The following SLC39A9 variants were observed in gnomAD, a reference collection of about 807,000 sequenced individuals.
SLC39A9 encodes the protein solute carrier family 39 member 9.
A neutral mutation model predicts 28.4 loss-of-function variants in SLC39A9; 14 were observed. The ratio of observed to expected loss-of-function variants is 0.49; its 90% CI spans 0.33 to 0.77. SLC39A9 has a LOEUF of 0.77. Among genes scored for constraint, SLC39A9 ranks in the 30% least tolerant of loss-of-function variants. SLC39A9 has a pLI of 0.02. For missense variants in SLC39A9, 283 were observed against 381.1 expected (o/e 0.74, Z 2.14); for synonymous variants, 119 against 149.6 (o/e 0.80, Z 1.49).
At chr14:69,420,811 C>G (rs183346208) in intron 1 of SLC39A9, among the ~76,000 whole-genome samples, 73 of 152,314 alleles carry the variant, frequency 4.8e-4, no homozygotes, top group Non-Finnish European at 2.1e-4. Flanking sequence ...GCATGTGTCA[C>G]GTAGTTCTCA....
chr14:69,450,269 C>T (rs1195924773), intron 3 of SLC39A9, among the ~76,000 whole-genome samples: 1 of 152,048 alleles, frequency 6.6e-6, no homozygotes, highest in Non-Finnish European at 1.5e-5. Context: ...ATCTTTCTTC[C>T]ATACCATTCT....
intron 1 of SLC39A9, among the ~76,000 whole-genome samples, chr14:69,406,311 T>C (rs887457575): frequency 6.6e-6 from 1 of 152,210 alleles, no homozygotes; most frequent in African/African-American, 2.4e-5. Context: ...TCTGAAGTAG[T>C]TCCTATTGTG....
At position 69,460,133 on chromosome 14, in the gene SLC39A9, C is replaced by G; in HGVS notation, c.*1540C>G. On this transcript the variant is annotated 3_prime_UTR_variant, in exon 7 of 7. Transcript: ENST00000336643. Reference sequence around the variant, plus strand: ...ATTAATTTATTTTTACTTTCTATACCATTTCAAAACACATTACACTAAGGG... The same window carrying G: ...ATTAATTTATTTTTACTTTCTATACGATTTCAAAACACATTACACTAAGGG... 1 of 984,058 alleles carries G rather than the reference C, an allele frequency of 1.0e-6. No individual in the cohort carries two copies. Among genetic ancestry groups the G allele is most frequent in the Non-Finnish European group, 1.2e-6 (1 of 828,442 alleles). 61.0% of individuals were successfully genotyped at this position (984,058 alleles called of 1,614,324 possible). A position where few individuals can be genotyped will look rare whatever the true frequency, so the allele number is the denominator to read the frequency against.
chr14:69,461,255 C>T lies in SLC39A9; in HGVS notation c.*2662C>T, dbSNP rs959054895. On this transcript the variant is annotated 3_prime_UTR_variant, in exon 7 of 7. Coordinates refer to ENST00000336643, the MANE Select transcript of SLC39A9 (RefSeq NM_018375.5). ...CGTTTCCTTGGTAGGGATAGACTTT[C>T]TTCAGATTCCAAGTGCTCTCTTAAA... 1.0e-6 allele frequency: 1 copy of T among 989,996 alleles called. No individual in the cohort carries two copies. The highest frequency in any genetic ancestry group is 1.2e-6 in the Non-Finnish European group (1 of 832,950). 61.3% of individuals were successfully genotyped at this position (989,996 alleles called of 1,614,324 possible). A position where few individuals can be genotyped will look rare whatever the true frequency, so the allele number is the denominator to read the frequency against.
rs1282095620 is a variant in SLC39A9 at position 69,440,726 on chromosome 14, G to T, written c.206-1343G>T. On this transcript the variant is annotated intron_variant, in intron 2 of 6. Transcript: ENST00000336643. ...GTCTCCCTCTGTTGCCAGGCTGGAA[G>T]GCAGTGGCGTGATCTCGGCTCACTG... Among the ~76,000 whole-genome samples, 4 of 152,102 alleles carry T rather than the reference G, an allele frequency of 2.6e-5. No individual in the cohort carries two copies. The East Asian group carries it at 7.7e-4, about 29-fold the overall frequency.
At chr14:69,409,695 A>C (rs1883161077) in intron 1 of SLC39A9, among the ~76,000 whole-genome samples, 1 of 152,174 alleles carries the variant, frequency 6.6e-6, no homozygotes, top group Non-Finnish European at 1.5e-5. Flanking sequence ...GAAATTCTTA[A>C]TATGCATTTA....
chr14:69,432,473 G>A (rs1473511972), intron 2 of SLC39A9, among the ~76,000 whole-genome samples: 1 of 152,108 alleles, frequency 6.6e-6, no homozygotes, highest in African/African-American at 2.4e-5. Flanking sequence ...CAGATGTGTA[G>A]TTTGTGAATA....
intron 3 of SLC39A9, among the ~76,000 whole-genome samples, chr14:69,447,528 G>A (rs2139437851): frequency 6.6e-6 from 1 of 152,240 alleles, no homozygotes; most frequent in South Asian, 2.1e-4. Flanking sequence ...GAGAAACTCA[G>A]CCCCAAATTC....
chr14:69,435,721 G>A (rs1884709876), intron 2 of SLC39A9, among the ~76,000 whole-genome samples: 1 of 151,906 alleles, frequency 6.6e-6, no homozygotes, highest in Admixed American at 6.6e-5. Context: ...TGCCCAGGCT[G>A]GAGTGCAGTG....
chr14:69,432,769 T>A (rs1884559668), intron 2 of SLC39A9, among the ~76,000 whole-genome samples: 1 of 152,200 alleles, frequency 6.6e-6, no homozygotes, highest in African/African-American at 2.4e-5. Context: ...TGGATATGGT[T>A]AGCCAACTAT....
intron 1 of SLC39A9, among the ~76,000 whole-genome samples, chr14:69,400,488 AACT>A (rs1882573899): frequency 6.6e-6 from 1 of 152,218 alleles, no homozygotes. Flanking sequence ...AGGGGGGAAA[AACT>A]ACTACATTCA....
chr14:69,459,823 T>C lies in SLC39A9; in HGVS notation c.*1230T>C. On this transcript the variant is annotated 3_prime_UTR_variant, in exon 7 of 7. Transcript: ENST00000336643. ...CTTACTGCTGGTGTTAATATTTGTG[T>C]GGGATGAATTCTTATCAGGACAACC... 1.0e-6 allele frequency: 1 copy of C among 985,436 alleles called. No homozygotes were observed. Among genetic ancestry groups the C allele is most frequent in the Non-Finnish European group, 1.2e-6 (1 of 829,928 alleles). 61.0% of individuals were successfully genotyped at this position (985,436 alleles called of 1,614,324 possible). A position where few individuals can be genotyped will look rare whatever the true frequency, so the allele number is the denominator to read the frequency against.
At chr14:69,403,999 C>T (rs989151129) in intron 1 of SLC39A9, among the ~76,000 whole-genome samples, 21 of 152,102 alleles carry the variant, frequency 1.4e-4, no homozygotes, top group African/African-American at 3.9e-4. Flanking sequence ...ACCAACATTG[C>T]GCCATTGCAC....
At chr14:69,409,988 G>A (rs1463858363) in intron 1 of SLC39A9, among the ~76,000 whole-genome samples, 3 of 152,040 alleles carry the variant, frequency 2.0e-5, no homozygotes, top group Non-Finnish European at 4.4e-5. Flanking sequence ...AGTCTGCTCG[G>A]TTCAGTTGAA....
chr14:69,448,453 T>A (rs1236447306), intron 3 of SLC39A9, among the ~76,000 whole-genome samples: 1 of 152,172 alleles, frequency 6.6e-6, no homozygotes, highest in Non-Finnish European at 1.5e-5. Context: ...CACCTCTAGA[T>A]GTGATACCCG....
chr14:69,426,919 TAC>T (rs1312548692), intron 2 of SLC39A9, among the ~76,000 whole-genome samples: 2 of 152,098 alleles, frequency 1.3e-5, no homozygotes, highest in African/African-American at 4.8e-5. Context: ...TACACATATG[TAC>T]ACACATACAC....
chr14:69,400,936 T>G (rs1346956671), intron 1 of SLC39A9, among the ~76,000 whole-genome samples: 1 of 151,500 alleles, frequency 6.6e-6, no homozygotes, highest in East Asian at 1.9e-4. Flanking sequence ...GGAGGATTGC[T>G]TGAACCCAGG....
At chr14:69,406,685 TAA>T (rs1200169340) in intron 1 of SLC39A9, among the ~76,000 whole-genome samples, 21 of 133,030 alleles carry the variant, frequency 1.6e-4, no homozygotes, top group Non-Finnish European at 1.1e-4. Context: ...GAGACTGTCT[TAA>T]AAAAAAAAAA....
chr14:69,404,826 G>A (rs1364725347), intron 1 of SLC39A9, among the ~76,000 whole-genome samples: 1 of 151,750 alleles, frequency 6.6e-6, no homozygotes, highest in African/African-American at 2.4e-5. Flanking sequence ...GCTTTGTTTT[G>A]TTCTTTCGTG....
Sources: allele counts gnomAD v4.1 joint callset (sites outside exome capture counted in the v4.1 genomes callset), GRCh38; gene constraint gnomAD v4.1.1; transcripts MANE v1.5; gene names NCBI Gene and HGNC (gene_info 2026-07-23, HGNC 2026-07-21).